The following EXD2 variants were observed in gnomAD, a reference collection of about 807,000 sequenced individuals.
EXD2 encodes the protein exonuclease 3'-5' domain containing 2.
In EXD2, 40 loss-of-function variants were observed where a neutral mutation model predicts 62.5. The ratio of observed to expected loss-of-function variants is 0.64; its 90% CI spans 0.50 to 0.83. The LOEUF (loss-of-function observed/expected upper bound fraction) is 0.83, where lower values mean the gene tolerates loss of function less well. Ranked by LOEUF, EXD2 falls within the 40% of genes least tolerant of loss-of-function variation. The pLI is 0.00. For missense variants in EXD2, 671 were observed against 761.8 expected, an observed-to-expected ratio of 0.88 and a Z score of 1.40; for synonymous variants, 239 against 291.9, an observed-to-expected ratio of 0.82 and a Z score of 1.85.
chr14:69,192,139 G>A (rs1311494247), intron 1 of EXD2: 2 of 152,282 alleles, frequency 1.3e-5, no homozygotes, highest in Non-Finnish European at 2.9e-5. Context: ...TCCCTGGGAT[G>A]GATCAAAACT....
chr14:69,233,261 G>C (rs1194671899), intron 5 of EXD2, among the ~76,000 whole-genome samples: 1 of 151,826 alleles, frequency 6.6e-6, no homozygotes. Context: ...ATCCAAACTT[G>C]TTTTACTCTA....
chr14:69,202,691 C>G (rs1189429747), intron 1 of EXD2, among the ~76,000 whole-genome samples: 2 of 152,012 alleles, frequency 1.3e-5, no homozygotes, highest in Non-Finnish European at 2.9e-5. Flanking sequence ...TTAATAAAAC[C>G]GTATGTTAGG....
At chr14:69,237,469 C>A in intron 8 of EXD2, 106 bp from the exon 9 acceptor site, 4 of 978,116 alleles carry the variant, frequency 4.1e-6, no homozygotes, top group Non-Finnish European at 6.5e-6. Flanking sequence ...CAAGGCTTCT[C>A]AGTCATGGTT....
intron 3 of EXD2, among the ~76,000 whole-genome samples, chr14:69,211,342 A>G (rs2042799462): frequency 6.6e-6 from 1 of 151,780 alleles, no homozygotes; most frequent in Non-Finnish European, 1.5e-5. Flanking sequence ...AAGTTTTATC[A>G]TGAGATTGCA....
rs199869370 is a variant in EXD2 at position 69,195,228 on chromosome 14, AAAAAG to A, written c.-132+3639_-132+3643del. On this transcript the variant is annotated intron_variant, in intron 1 of 9. Transcript: ENST00000685843. ...CGAGACTCTGTCTCAAAAAAAAAAAAAAAAGAGAGATGAGGTCTCACTCTGTCACT... is the reference window on the plus strand; with the variant it reads ...CGAGACTCTGTCTCAAAAAAAAAAAAAGAGATGAGGTCTCACTCTGTCACT... 3.3e-3 allele frequency among the ~76,000 whole-genome samples: 310 copies of A among 95,212 alleles called. 1 individual carries two copies. The highest frequency in any genetic ancestry group is 9.7e-3 in the East Asian group (13 of 1,342). 62.5% of individuals were successfully genotyped at this position (95,212 alleles called of 152,430 possible).
intron 3 of EXD2, among the ~76,000 whole-genome samples, chr14:69,222,484 G>A (rs148749062): frequency 1.3e-5 from 2 of 152,230 alleles, no homozygotes; most frequent in East Asian, 1.9e-4. Context: ...ATTTGGACTC[G>A]TTATTCTTGC....
chr14:69,211,788 A>G (rs1257521084), intron 3 of EXD2, among the ~76,000 whole-genome samples: 2 of 152,196 alleles, frequency 1.3e-5, no homozygotes, highest in Non-Finnish European at 2.9e-5. Flanking sequence ...GATTATTCCA[A>G]CTAAACGAAG....
rs1241688184 is a variant in EXD2, at chr14:69,243,924, T to C, written c.*2824T>C. On this transcript the variant is annotated 3_prime_UTR_variant, in exon 10 of 10. Coordinates refer to ENST00000685843, the MANE Select transcript of EXD2 (RefSeq NM_001193360.2). ...CCCTTCTTCCAACCTTATTGCCTCA[T>C]TTCCCCCTTGTAGTCAATGTTTTTT... 6.6e-6 allele frequency: 1 copy of C among 152,154 alleles called. No homozygotes were observed. Among genetic ancestry groups the C allele is most frequent in the African/African-American group, 2.4e-5 (1 of 41,424 alleles). 9.4% of individuals were successfully genotyped at this position (152,154 alleles called of 1,614,324 possible).
intron 2 of EXD2, among the ~76,000 whole-genome samples, chr14:69,205,860 G>A (rs929624348): frequency 1.3e-5 from 2 of 152,042 alleles, no homozygotes; most frequent in African/African-American, 4.8e-5. Flanking sequence ...CTTGGGCCTT[G>A]TATCTGCTTG....
At chr14:69,233,828 C>T (rs1356577251) in intron 5 of EXD2, among the ~76,000 whole-genome samples, 3 of 150,188 alleles carry the variant, frequency 2.0e-5, no homozygotes, top group East Asian at 2.0e-4. Flanking sequence ...TGCAGTGGCA[C>T]GGTCTCAGCT....
intron 8 of EXD2, among the ~76,000 whole-genome samples, chr14:69,236,804 T>A (rs557647225): frequency 1.3e-5 from 2 of 152,360 alleles, no homozygotes; most frequent in East Asian, 3.9e-4. Flanking sequence ...GGTTCCCTTT[T>A]GCTCATGAAA....
In EXD2 at chr14:69,237,641, C is replaced by T. The variant is rs758110561; in HGVS notation, c.1359C>T (p.His453=). Residue 453 remains histidine, a synonymous_variant, in exon 9 of 10, where the codon CAC becomes CAT. Coordinates refer to ENST00000685843, the MANE Select transcript of EXD2 (RefSeq NM_001193360.2). ...TCGAGATGAAGGACCACAACTCCCA[C>T]GATGTGCTGCTGCTCTGCACCTCCT... ...FPIEMKDHNS[H]DVLLLCTSCH... is the part of the protein sequence containing the mutation. The T allele has an allele frequency of 1.5e-5, 25 of 1,614,274 alleles. No individual in the cohort carries two copies. Among genetic ancestry groups the T allele is most frequent in the East Asian group, 2.2e-5 (1 of 44,890 alleles).
intron 2 of EXD2, among the ~76,000 whole-genome samples, chr14:69,205,980 G>A (rs1890945): frequency 1.0e-3 from 155 of 151,800 alleles, no homozygotes; most frequent in African/African-American, 3.5e-3. Context: ...GTGCAGTGGC[G>A]TGATCTTGGC....
chr14:69,208,201 C>T (rs1168089621), intron 2 of EXD2, among the ~76,000 whole-genome samples: 2 of 142,426 alleles, frequency 1.4e-5, no homozygotes, highest in African/African-American at 5.5e-5. Flanking sequence ...CCTGGCCAGG[C>T]CACTTACTAT....
intron 3 of EXD2, among the ~76,000 whole-genome samples, chr14:69,213,732 T>G (rs2042899573): frequency 1.3e-5 from 2 of 150,682 alleles, no homozygotes; most frequent in Non-Finnish European, 3.0e-5. Context: ...AGTGCAATCT[T>G]GACTCACTGC....
chr14:69,231,820 CCT>C (rs34589324), intron 5 of EXD2, among the ~76,000 whole-genome samples: 46,936 of 149,008 alleles, frequency 0.31, 9,665 homozygotes, highest in East Asian at 0.92. Flanking sequence ...CATAGTAGAT[CCT>C]CTGTTTTTTA....
Position 69,221,981 on chromosome 14 carries a change from G to A in EXD2, c.334-6835G>A, listed in dbSNP as rs574657981. On this transcript the variant is annotated intron_variant, in intron 3 of 9. Coordinates refer to ENST00000685843, the MANE Select transcript of EXD2 (RefSeq NM_001193360.2). ...TGCGCACCTGTAATCCCAGCTACTC[G>A]GGAGGCTGAGGCAGGAGAATCGCTT... 4.7e-5 allele frequency among the ~76,000 whole-genome samples: 7 copies of A among 150,076 alleles called. No homozygotes were observed. In the South Asian group the frequency reaches 6.3e-4, roughly 14 times the overall value.
intron 1 of EXD2, among the ~76,000 whole-genome samples, chr14:69,194,087 G>T (rs1272793417): frequency 6.7e-6 from 1 of 150,372 alleles, no homozygotes; most frequent in Non-Finnish European, 1.5e-5. Context: ...CTCTGGAATT[G>T]TGTGTGTGTG....
chr14:69,214,348 T>C (rs1294406444), intron 3 of EXD2, among the ~76,000 whole-genome samples: 2 of 152,180 alleles, frequency 1.3e-5, no homozygotes, highest in African/African-American at 2.4e-5. Flanking sequence ...AAGATTGTCT[T>C]TATCCTTTCT....
Sources: allele counts gnomAD v4.1 joint callset (sites outside exome capture counted in the v4.1 genomes callset), GRCh38; gene constraint gnomAD v4.1.1; transcripts MANE v1.5; gene names NCBI Gene and HGNC (gene_info 2026-07-23, HGNC 2026-07-21).